Variants in PPFIBP1 observed in about 807,000 individuals in gnomAD.
PPFIBP1 encodes the protein liprin-beta-1.
In PPFIBP1, 112 loss-of-function variants were observed where a neutral mutation model predicts 137.8. The observed-to-expected ratio is 0.81, with a 90% confidence interval of 0.70 to 0.95. The LOEUF (loss-of-function observed/expected upper bound fraction) is 0.95. Ranked by LOEUF, PPFIBP1 falls within the 40% of genes least tolerant of loss-of-function variation. The pLI, the probability that PPFIBP1 is intolerant of heterozygous loss-of-function variation, is 0.00. For missense variants in PPFIBP1, 1,083 were observed against 1,196.6 expected (o/e 0.91, Z 1.40); for synonymous variants, 378 against 417.3 (o/e 0.91, Z 1.15).
chr12:27,631,426 C>T lies in PPFIBP1; in HGVS notation c.-35-1936C>T, dbSNP rs534439415. 2.1e-4 allele frequency among the ~76,000 whole-genome samples: 32 copies of T among 152,288 alleles called. No homozygotes were observed. The East Asian group carries it at 5.8e-3, about 28-fold the overall frequency. On this transcript the variant is annotated intron_variant, in intron 2 of 29. Transcript: ENST00000228425. ...CCCCTTATCCTACTCCATTTTTCCC[C>T]TTAGCACCTACCACCTTCGCCATGT...
chr12:27,567,260 G>A (rs1378859213), intron 1 of PPFIBP1, among the ~76,000 whole-genome samples: 1 of 152,214 alleles, frequency 6.6e-6, no homozygotes, highest in Non-Finnish European at 1.5e-5. Context: ...GAAGGAACCT[G>A]TAGATTGAAA....
chr12:27,532,621 G>A (rs1204788476), intron 1 of PPFIBP1, among the ~76,000 whole-genome samples: 2 of 152,134 alleles, frequency 1.3e-5, no homozygotes, highest in South Asian at 2.1e-4. Context: ...AAGAGACTGG[G>A]TTTCTTGAGG....
chr12:27,695,271 C>A lies in PPFIBP1; in HGVS notation c.*2389C>A, dbSNP rs2061712243. On this transcript the variant is annotated 3_prime_UTR_variant, in exon 30 of 30. Transcript: ENST00000228425. ...AGCTGGGACTACAGGTACCTGCCAC[C>A]ACGCCTGGCTAATTTTGTTTTTGTA... The A allele has an allele frequency of 6.6e-6, 1 of 152,220 alleles. No individual in the cohort carries two copies. Among genetic ancestry groups the A allele is most frequent in the East Asian group, 1.9e-4 (1 of 5,206 alleles). 9.4% of individuals were successfully genotyped at this position (152,220 alleles called of 1,614,324 possible).
intron 24 of PPFIBP1, among the ~76,000 whole-genome samples, chr12:27,685,271 G>A (rs2140443908): frequency 6.7e-6 from 1 of 149,310 alleles, no homozygotes; most frequent in East Asian, 1.9e-4. Context: ...ATATATGTGT[G>A]TGTGTATCCA....
In PPFIBP1 at chr12:27,585,596, G is replaced by A. The variant is rs78807417; in HGVS notation, c.-36+7357G>A. Among the ~76,000 whole-genome samples, 10 of 152,296 alleles carry A rather than the reference G, an allele frequency of 6.6e-5. No individual in the cohort carries two copies. In the East Asian group the frequency reaches 1.9e-3, roughly 29 times the overall value. On this transcript the variant is annotated intron_variant, in intron 2 of 29. Coordinates refer to ENST00000228425, the MANE Select transcript of PPFIBP1 (RefSeq NM_003622.4). The stretch of plus-strand genomic sequence containing the variant: ...AGCATGCAAAGATAAGCAGAACATA[G>A]GGTCTTTTGTCTAGTGGGAGGGAAA...
At chr12:27,563,560 G>A (rs1200463250) in intron 1 of PPFIBP1, among the ~76,000 whole-genome samples, 1 of 151,876 alleles carries the variant, frequency 6.6e-6, no homozygotes, top group Non-Finnish European at 1.5e-5. Flanking sequence ...GGTAAGAGGA[G>A]ACTCCACCTG....
chr12:27,582,842 C>A (rs952453248), intron 2 of PPFIBP1, among the ~76,000 whole-genome samples: 1 of 152,210 alleles, frequency 6.6e-6, no homozygotes, highest in Non-Finnish European at 1.5e-5. Context: ...GAGGTGTAAT[C>A]CCTTACCAGT....
chr12:27,579,870 T>G (rs1166333351), intron 2 of PPFIBP1, among the ~76,000 whole-genome samples: 1 of 152,198 alleles, frequency 6.6e-6, no homozygotes, highest in African/African-American at 2.4e-5. Flanking sequence ...ATGAAGATGT[T>G]TTTGTAGATT....
At chr12:27,667,352 T>C (rs748326625) in intron 13 of PPFIBP1, 32 bp downstream of exon 13, 32 of 1,523,742 alleles carry the variant, frequency 2.1e-5, no homozygotes, top group Non-Finnish European at 2.6e-5. Context: ...TTCCTTTATG[T>C]TGAAGAGACT....
intron 1 of PPFIBP1, among the ~76,000 whole-genome samples, chr12:27,525,909 AAATAGC>A (rs1357963441): frequency 6.6e-6 from 1 of 152,218 alleles, no homozygotes; most frequent in Non-Finnish European, 1.5e-5. Context: ...AGAGTGGATA[AAATAGC>A]AGGCTTTTTG....
intron 1 of PPFIBP1, chr12:27,547,280 C>T (rs1946324230): frequency 6.6e-6 from 1 of 152,186 alleles, no homozygotes; most frequent in Non-Finnish European, 1.5e-5. Flanking sequence ...GCCGCCTTTA[C>T]TTGTGAACTT....
chr12:27,540,975 C>T (rs114755541), intron 1 of PPFIBP1, among the ~76,000 whole-genome samples: 2,450 of 152,060 alleles, frequency 0.016, 75 homozygotes, highest in African/African-American at 0.056. Flanking sequence ...TTTTTAAATT[C>T]GGTTTGTCTT....
At chr12:27,599,004 A>C (rs2053652824) in intron 2 of PPFIBP1, among the ~76,000 whole-genome samples, 1 of 152,236 alleles carries the variant, frequency 6.6e-6, no homozygotes, top group African/African-American at 2.4e-5. Context: ...TGAAGCCAAT[A>C]ATAACTAAGA....
chr12:27,680,254 G>A (rs1451992663), intron 21 of PPFIBP1, among the ~76,000 whole-genome samples, 193 bp downstream of exon 21: 15 of 152,342 alleles, frequency 9.8e-5, no homozygotes, highest in Admixed American at 9.1e-4. Context: ...AGGGCTGTGC[G>A]AACTAGGGGA....
At chr12:27,588,610 C>G (rs554984832) in intron 2 of PPFIBP1, among the ~76,000 whole-genome samples, 3 of 152,230 alleles carry the variant, frequency 2.0e-5, no homozygotes, top group East Asian at 3.9e-4. Context: ...AGGGTGAGAG[C>G]TCTTTATTTT....
At chr12:27,648,872 G>A (rs2058706066) in intron 6 of PPFIBP1, among the ~76,000 whole-genome samples, 1 of 152,186 alleles carries the variant, frequency 6.6e-6, no homozygotes, top group Admixed American at 6.5e-5. Flanking sequence ...GATGAAGGGA[G>A]AGGTGGAGGA....
At chr12:27,628,449 G>T (rs935738286) in intron 2 of PPFIBP1, among the ~76,000 whole-genome samples, 1 of 152,198 alleles carries the variant, frequency 6.6e-6, no homozygotes, top group African/African-American at 2.4e-5. Context: ...AAAGTAGTGG[G>T]ATTACAGGTG....
At chr12:27,539,171 C>T (rs935829711) in intron 1 of PPFIBP1, among the ~76,000 whole-genome samples, 2 of 152,132 alleles carry the variant, frequency 1.3e-5, no homozygotes, top group Admixed American at 1.3e-4. Flanking sequence ...AAAGCCATCC[C>T]AAAGACTGCA....
Position 27,553,658 on chromosome 12 carries a change from T to A in PPFIBP1, c.-123-24494T>A, listed in dbSNP as rs528211465. Reference sequence around the variant, plus strand: ...AGACCCCCAAGGAAGCTCATCGATATTCGGGGACTCAGCATTCACAACTGC... The same window carrying A: ...AGACCCCCAAGGAAGCTCATCGATAATCGGGGACTCAGCATTCACAACTGC... On this transcript the variant is annotated intron_variant, in intron 1 of 29. Coordinates refer to ENST00000228425, the MANE Select transcript of PPFIBP1 (RefSeq NM_003622.4). Among the ~76,000 whole-genome samples the A allele has an allele frequency of 2.6e-5, 4 of 152,318 alleles. No individual in the cohort carries two copies. In the South Asian group the frequency reaches 8.3e-4, roughly 32 times the overall value.
Sources: gnomAD v4.1 joint callset for allele counts (sites outside exome capture counted in the v4.1 genomes callset) on GRCh38, gnomAD v4.1.1 for gene constraint, MANE v1.5 for transcripts, NCBI Gene and HGNC (gene_info 2026-07-23, HGNC 2026-07-21) for gene names.